Variants in TTLL2 observed in about 807,000 individuals in gnomAD.
TTLL2 encodes the protein tubulin tyrosine ligase like 2.
A neutral mutation model predicts 7.5 loss-of-function variants in TTLL2; 10 were observed. That is an observed-to-expected ratio of 1.33 (90% CI 0.82 to 2.25). TTLL2 has a LOEUF of 2.25. Among genes scored for constraint, TTLL2 ranks in the 30% most tolerant of loss-of-function variants. The pLI, the probability that TTLL2 is intolerant of heterozygous loss-of-function variation, is 0.00. For missense variants in TTLL2, 733 were observed against 735.7 expected (o/e 1.00, Z 0.04); for synonymous variants, 284 against 280.3 (o/e 1.01, Z -0.13).
rs1779026718 is a variant in TTLL2 at position 167,338,765 on chromosome 6, C to T, written c.166C>T (p.Pro56Ser). Residue 56 changes from proline (P) to serine (S), a missense_variant, in exon 2 of 3, where the codon CCC becomes TCC. Physicochemically the swap from Pro to Ser is moderately conservative, Grantham distance 74. Coordinates refer to ENST00000239587, the MANE Select transcript of TTLL2 (RefSeq NM_031949.5). ...RLQEAGVSIP[P>S]RRGRPTPTLE... ...ACAGGAAGCAGGTGTTTCCATCCCT[C>T]CCAGGCGAGGCCGCCCAACACCAAC... The T allele has an allele frequency of 6.2e-7, 1 of 1,613,670 alleles. No individual in the cohort carries two copies. Among genetic ancestry groups the T allele is most frequent in the Non-Finnish European group, 8.5e-7 (1 of 1,179,724 alleles).
rs950298562 is a variant in TTLL2 at position 167,341,699 on chromosome 6, A to G, written c.*20A>G. ...TCCTAAGTGGTAAAAAATCAAATCAAGAAAAAGTGACATGGATTTTTAAAA... is the reference window on the plus strand; with the variant it reads ...TCCTAAGTGGTAAAAAATCAAATCAGGAAAAAGTGACATGGATTTTTAAAA... On this transcript the variant is annotated 3_prime_UTR_variant, in exon 3 of 3. Transcript: ENST00000239587. 6.4e-7 allele frequency: 1 copy of G among 1,571,292 alleles called. No homozygotes were observed. The highest frequency in any genetic ancestry group is 8.6e-7 in the Non-Finnish European group (1 of 1,163,636).
At chr6:167,337,677 G>A (rs996243309) in intron 1 of TTLL2, among the ~76,000 whole-genome samples, 1 of 151,218 alleles carries the variant, frequency 6.6e-6, no homozygotes, top group Non-Finnish European at 1.5e-5. Context: ...AGATAACAGC[G>A]TATTTCTTGG....
chr6:167,327,448 G>A (rs967941819), intron 1 of TTLL2, among the ~76,000 whole-genome samples: 2 of 152,182 alleles, frequency 1.3e-5, no homozygotes, highest in Non-Finnish European at 2.9e-5. Context: ...AAAATGGGAG[G>A]CAGGTTTGCC....
At chr6:167,328,637 G>A (rs1416615429) in intron 1 of TTLL2, among the ~76,000 whole-genome samples, 1 of 152,196 alleles carries the variant, frequency 6.6e-6, no homozygotes, top group African/African-American at 2.4e-5. Flanking sequence ...GTACTGAATG[G>A]TGGGTGGTAT....
chr6:167,328,503 T>C (rs7763571), intron 1 of TTLL2: 16,843 of 201,990 alleles, frequency 0.083, 2,254 homozygotes, highest in African/African-American at 0.3. Context: ...ACTGGTGTTC[T>C]AGCCCTTGAA....
At chr6:167,327,972 C>T in intron 1 of TTLL2, 1 of 456,206 alleles carries the variant, frequency 2.2e-6, no homozygotes, top group South Asian at 1.5e-5. Flanking sequence ...GGCCCCTCTC[C>T]TTGACCCCAA....
At position 167,325,169 on chromosome 6, in the gene TTLL2, G is replaced by A. The variant is rs367589735; in HGVS notation, c.-5G>A. ...CACAGAGGCCACCCTCGGAACCAGC[G>A]CCCAATGAGAGGGCGGGACCTGTGT... On this transcript the variant is annotated 5_prime_UTR_variant, in exon 1 of 3. Coordinates refer to ENST00000239587, the MANE Select transcript of TTLL2 (RefSeq NM_031949.5). 3.4e-4 allele frequency: 542 copies of A among 1,577,172 alleles called. 2 individuals are homozygous for A. The highest frequency in any genetic ancestry group is 3.2e-3 in the African/African-American group (236 of 73,830).
Position 167,341,769 on chromosome 6 carries a change from C to T in TTLL2, c.*90C>T. 2 of 1,354,980 alleles carry T rather than the reference C, an allele frequency of 1.5e-6. No individual in the cohort carries two copies. Among genetic ancestry groups the T allele is most frequent in the Admixed American group, 2.7e-5 (1 of 37,362 alleles). The allele number at this position is 1,354,980 out of a possible 1,614,324, so 83.9% of individuals were successfully genotyped here. ...AGAAAGCAATAGTTCAAGTCCCTACCTGTGCCACCAGCATGTTAACTATGA... is the reference window on the plus strand; with the variant it reads ...AGAAAGCAATAGTTCAAGTCCCTACTTGTGCCACCAGCATGTTAACTATGA... On this transcript the variant is annotated 3_prime_UTR_variant, in exon 3 of 3. Coordinates refer to ENST00000239587, the MANE Select transcript of TTLL2 (RefSeq NM_031949.5).
chr6:167,341,599 C>G lies in TTLL2; in HGVS notation c.1699C>G (p.Leu567Val). Residue 567 changes from leucine to valine, a missense_variant, in exon 3 of 3, where the codon CTC (leucine) becomes GTC (valine). Leu to Val is a conservative substitution (Grantham distance 32). Transcript: ENST00000239587. ...TGTTTTTCCTTTCAATGAAGCAACT[C>G]TCGGAGCTTCCAGGAATGGATTAAA... is the stretch of plus-strand genomic sequence containing the variant. ...VLVFPFNEAT[L>V]GASRNGLNVK... The G allele has an allele frequency of 6.2e-7, 1 of 1,614,188 alleles. No individual in the cohort carries two copies. The highest frequency in any genetic ancestry group is 8.5e-7 in the Non-Finnish European group (1 of 1,180,038).
At chr6:167,331,713 T>A (rs931580536) in intron 1 of TTLL2, among the ~76,000 whole-genome samples, 1 of 152,136 alleles carries the variant, frequency 6.6e-6, no homozygotes, top group African/African-American at 2.4e-5. Context: ...CTTAGGAGTA[T>A]GCACCTGTAA....
chr6:167,339,899 G>C (rs2115225088), intron 2 of TTLL2, among the ~76,000 whole-genome samples: 1 of 152,262 alleles, frequency 6.6e-6, no homozygotes, highest in Non-Finnish European at 1.5e-5. Context: ...GAGTAAAGGG[G>C]TTCCCAGGAC....
chr6:167,329,666 T>C (rs1332755416), intron 1 of TTLL2, among the ~76,000 whole-genome samples: 1 of 152,238 alleles, frequency 6.6e-6, no homozygotes, highest in African/African-American at 2.4e-5. Flanking sequence ...TATTCTTCTC[T>C]AGATAATTTT....
chr6:167,325,104 C>T lies in TTLL2; in HGVS notation c.-70C>T, dbSNP rs554121393. 6.7e-5 allele frequency: 100 copies of T among 1,503,750 alleles called. 2 individuals carry two copies. The Admixed American group carries it at 1.2e-3, about 17-fold the overall frequency. The allele number at this position is 1,503,750 out of a possible 1,614,324, so 93.2% of individuals were successfully genotyped here. ...AGCAACCAGTGCTCCCTCCAGCCTC[C>T]GCGCATTTCAGCTGGCGCTGCAGCT... On this transcript the variant is annotated 5_prime_UTR_variant, in exon 1 of 3. Transcript: ENST00000239587.
intron 1 of TTLL2, among the ~76,000 whole-genome samples, chr6:167,336,423 T>C (rs1778984034): frequency 6.6e-6 from 1 of 152,116 alleles, no homozygotes; most frequent in South Asian, 2.1e-4. Flanking sequence ...TATTGTTGTA[T>C]ACTAATTTGT....
rs1433618827 is a variant in TTLL2, at chr6:167,341,019, T to A, written c.1119T>A (p.Asp373Glu). The change falls in exon 3 of 3, where the codon GAT becomes GAA. Residue 373 changes from aspartate to glutamate, a missense_variant. By Grantham distance (45) the Asp-to-Glu change is conservative. Coordinates refer to ENST00000239587, the MANE Select transcript of TTLL2 (RefSeq NM_031949.5). The stretch of plus-strand genomic sequence containing the variant: ...ATTGCTTTGAGCTCTTTGGGTTTGA[T>A]ATTTTGATTGATGACAACTTGAAAC... ...AANCFELFGF[D>E]ILIDDNLKPW... The A allele has an allele frequency of 2.5e-6, 4 of 1,614,038 alleles. No homozygotes were observed. Among genetic ancestry groups the A allele is most frequent in the Non-Finnish European group, 3.4e-6 (4 of 1,180,036 alleles).
chr6:167,328,144 T>C (rs1316881622), intron 1 of TTLL2: 1 of 455,998 alleles, frequency 2.2e-6, no homozygotes, highest in Non-Finnish European at 4.4e-6. Context: ...AGAAAAAGAC[T>C]CTTAGTTATT....
chr6:167,329,642 C>T (rs1333357121), intron 1 of TTLL2, among the ~76,000 whole-genome samples: 6 of 152,094 alleles, frequency 3.9e-5, no homozygotes, highest in South Asian at 4.1e-4. Context: ...AATCTGAGTA[C>T]GGTAAACCTA....
At chr6:167,326,472 A>G (rs1032365262) in intron 1 of TTLL2, among the ~76,000 whole-genome samples, 10 of 152,102 alleles carry the variant, frequency 6.6e-5, no homozygotes, top group African/African-American at 2.2e-4. Flanking sequence ...GAAAGGTGAC[A>G]AGCAGAATGT....
At position 167,338,801 on chromosome 6, in the gene TTLL2, A is replaced by C. The variant is rs1422777623; in HGVS notation, c.202A>C (p.Lys68Gln). The change falls in exon 2 of 3, where the codon AAG becomes CAG. Residue 68 changes from lysine (K) to glutamine (Q), a missense_variant and splice_region_variant. Transcript: ENST00000239587. The stretch of plus-strand genomic sequence containing the variant: ...CCGCCCAACACCAACACTGGAGAAG[A>C]AGGTGGGTGGGCAAGCCAGGTAGTT... ...RGRPTPTLEK[K>Q]KKPHLMAEDE... 1 of 1,598,398 alleles carries C rather than the reference A, an allele frequency of 6.3e-7. No individual in the cohort carries two copies. The highest frequency in any genetic ancestry group is 1.7e-5 in the Admixed American group (1 of 58,770).
Sources: allele counts gnomAD v4.1 joint callset (sites outside exome capture counted in the v4.1 genomes callset), GRCh38; gene constraint gnomAD v4.1.1; transcripts MANE v1.5; gene names NCBI Gene and HGNC (gene_info 2026-07-23, HGNC 2026-07-21).